The following ARMH3 variants were observed in gnomAD, a reference collection of about 807,000 sequenced individuals.
The protein encoded by ARMH3 is armadillo like helical domain containing 3.
In ARMH3, 60 loss-of-function variants were observed where a neutral mutation model predicts 99.1. That is an observed-to-expected ratio of 0.61 (90% CI 0.49 to 0.75). The LOEUF is 0.75. Ranked by LOEUF, ARMH3 falls within the 30% of genes least tolerant of loss-of-function variation. The pLI is 0.00. For missense variants in ARMH3, 679 were observed against 843.1 expected, an observed-to-expected ratio of 0.81 and a Z score of 2.41; for synonymous variants, 285 against 292.8, an observed-to-expected ratio of 0.97 and a Z score of 0.27.
chr10:102,050,806 G>A lies in ARMH3; in HGVS notation c.-12+5279C>T, dbSNP rs1422934755. Among the ~76,000 whole-genome samples the A allele has an allele frequency of 4.7e-5, 7 of 149,376 alleles. No homozygotes were observed. The Admixed American group carries it at 4.7e-4, about 10-fold the overall frequency. On this transcript the variant is annotated intron_variant, in intron 1 of 25. Transcript: ENST00000370033. Reference sequence around the variant, plus strand: ...TGGGAGGTAGAGGTTGCGCTGAGCTGAGATCACGCCACTGCACTCCAGCCT... The same window carrying A: ...TGGGAGGTAGAGGTTGCGCTGAGCTAAGATCACGCCACTGCACTCCAGCCT...
intron 1 of ARMH3, among the ~76,000 whole-genome samples, chr10:102,051,053 C>A (rs943187786): frequency 2.6e-5 from 4 of 151,126 alleles, no homozygotes; most frequent in Non-Finnish European, 5.9e-5. Context: ...ATTCAAGAGG[C>A]TGAGGCAGGA....
intron 23 of ARMH3, among the ~76,000 whole-genome samples, chr10:101,934,091 T>C (rs1843843867): frequency 6.6e-6 from 1 of 152,198 alleles, no homozygotes; most frequent in African/African-American, 2.4e-5. Context: ...AAGGCTTATT[T>C]CCTGTGACAT....
intron 23 of ARMH3, among the ~76,000 whole-genome samples, chr10:101,901,706 G>A (rs747293075): frequency 2.6e-5 from 4 of 152,154 alleles, no homozygotes; most frequent in Non-Finnish European, 5.9e-5. Flanking sequence ...GGTAGGGTTG[G>A]CTACAGAAGG....
At chr10:101,977,341 T>C (rs1384147628) in intron 19 of ARMH3, among the ~76,000 whole-genome samples, 4 of 152,170 alleles carry the variant, frequency 2.6e-5, no homozygotes, top group African/African-American at 7.2e-5. Context: ...CTGACTGAGA[T>C]AGGATTTTGA....
At chr10:102,015,389 G>A (rs1438273733) in intron 8 of ARMH3, among the ~76,000 whole-genome samples, 1 of 147,144 alleles carries the variant, frequency 6.8e-6, no homozygotes, top group Non-Finnish European at 1.5e-5. Flanking sequence ...TAAGGTTTTG[G>A]GATTTTTTTT....
chr10:101,879,860 T>C (rs999824796), intron 24 of ARMH3, among the ~76,000 whole-genome samples: 1 of 152,170 alleles, frequency 6.6e-6, no homozygotes, highest in African/African-American at 2.4e-5. Flanking sequence ...GACCCTCGCA[T>C]GTGGGCCTTC....
intron 6 of ARMH3, among the ~76,000 whole-genome samples, 187 bp from the exon 7 acceptor site, chr10:102,023,936 G>A (rs1208136348): frequency 6.6e-6 from 1 of 152,046 alleles, no homozygotes; most frequent in Non-Finnish European, 1.5e-5. Context: ...TAGGAAATCA[G>A]CAAGTTAAAA....
At chr10:101,992,592 T>A (rs1015587812) in intron 17 of ARMH3, among the ~76,000 whole-genome samples, 1 of 151,754 alleles carries the variant, frequency 6.6e-6, no homozygotes, top group Admixed American at 6.6e-5. Flanking sequence ...GTCTCCTGGA[T>A]TCGCGCCATT....
At chr10:101,936,057 T>C (rs1237982315) in intron 23 of ARMH3, among the ~76,000 whole-genome samples, 2 of 152,176 alleles carry the variant, frequency 1.3e-5, no homozygotes, top group African/African-American at 2.4e-5. Flanking sequence ...TTCCAAGTCA[T>C]ACTATTTTTT....
rs76656277 is a variant in ARMH3 at position 101,907,184 on chromosome 10, A to T, written c.1782-17694T>A. 8.5e-4 allele frequency among the ~76,000 whole-genome samples: 129 copies of T among 152,298 alleles called. No individual in the cohort carries two copies. In the East Asian group the frequency reaches 0.016, roughly 19 times the overall value. The stretch of plus-strand genomic sequence containing the variant: ...CTTTGGTTCCTTTAAGTTCCTATTT[A>T]GATACATTTATAGATATAATTTGCT... On this transcript the variant is annotated intron_variant, in intron 23 of 25. Coordinates refer to ENST00000370033, the MANE Select transcript of ARMH3 (RefSeq NM_024541.3).
rs1491131332 is a variant in ARMH3, at chr10:102,041,089, TAA to T, written c.-11-966_-11-965del. Among the ~76,000 whole-genome samples, 805 of 114,974 alleles carry T rather than the reference TAA, an allele frequency of 7.0e-3. 11 individuals are homozygous for T. The highest frequency in any genetic ancestry group is 0.042 in the Middle Eastern group (9 of 212). The allele number at this position is 114,974 out of a possible 152,430, so 75.4% of individuals were successfully genotyped here. ...AATTGTGTGTACATATATATATATA[TAA>T]TATATATATATATATATATATGTAG... On this transcript the variant is annotated intron_variant, in intron 1 of 25. Transcript: ENST00000370033.
At chr10:101,939,392 T>C (rs1844134517) in intron 23 of ARMH3, among the ~76,000 whole-genome samples, 1 of 152,200 alleles carries the variant, frequency 6.6e-6, no homozygotes, top group South Asian at 2.1e-4. Context: ...CAGCACTCTG[T>C]AATTGTCTTG....
chr10:101,850,789 T>C (rs1455525206), intron 24 of ARMH3, among the ~76,000 whole-genome samples: 1 of 152,100 alleles, frequency 6.6e-6, no homozygotes, highest in Non-Finnish European at 1.5e-5. Context: ...CCAAGTCTGT[T>C]TACTCTGAGT....
intron 23 of ARMH3, among the ~76,000 whole-genome samples, chr10:101,916,206 G>T (rs937938803): frequency 3.3e-5 from 5 of 152,150 alleles, no homozygotes; most frequent in Non-Finnish European, 7.3e-5. Flanking sequence ...CAAATAATTA[G>T]ATTCAATCCA....
At chr10:101,871,454 T>C (rs1476602157) in intron 24 of ARMH3, among the ~76,000 whole-genome samples, 3 of 152,146 alleles carry the variant, frequency 2.0e-5, no homozygotes, top group East Asian at 1.9e-4. Flanking sequence ...TGGTAGACCA[T>C]AAATTTAGAC....
At chr10:101,880,028 G>A (rs1261174526) in intron 24 of ARMH3, among the ~76,000 whole-genome samples, 1 of 152,210 alleles carries the variant, frequency 6.6e-6, no homozygotes, top group Non-Finnish European at 1.5e-5. Context: ...TGAAATGCCA[G>A]AATCTAAACA....
intron 23 of ARMH3, among the ~76,000 whole-genome samples, chr10:101,902,828 T>C (rs554593860): frequency 6.6e-6 from 1 of 152,086 alleles, no homozygotes; most frequent in East Asian, 1.9e-4. Flanking sequence ...TAATAGCTAG[T>C]AAAGCAGGGG....
At chr10:101,950,369 G>C (rs1332794348) in intron 22 of ARMH3, among the ~76,000 whole-genome samples, 1 of 152,172 alleles carries the variant, frequency 6.6e-6, no homozygotes, top group African/African-American at 2.4e-5. Context: ...GGAAAAGTGA[G>C]GACAGTCAAA....
At chr10:101,974,110 A>G (rs1845888076) in intron 20 of ARMH3, among the ~76,000 whole-genome samples, 1 of 152,156 alleles carries the variant, frequency 6.6e-6, no homozygotes, top group African/African-American at 2.4e-5. Flanking sequence ...CTCTCCTAAA[A>G]TATCAAAATG....
Sources: allele counts gnomAD v4.1 joint callset (sites outside exome capture counted in the v4.1 genomes callset), GRCh38; gene constraint gnomAD v4.1.1; transcripts MANE v1.5; gene names NCBI Gene and HGNC (gene_info 2026-07-23, HGNC 2026-07-21).